GULP1: variants seen among roughly 807,000 people sequenced by gnomAD.
GULP1 encodes PTB domain-containing engulfment adapter protein 1.
In GULP1, 19 loss-of-function variants were observed where a neutral mutation model predicts 40.9. The ratio of observed to expected loss-of-function variants is 0.46; its 90% CI spans 0.32 to 0.68. The LOEUF (loss-of-function observed/expected upper bound fraction) is 0.68, where lower values mean the gene tolerates loss of function less well. Ranked by LOEUF, GULP1 falls within the 30% of genes least tolerant of loss-of-function variation. GULP1 has a pLI of 0.03. For synonymous variants in GULP1, 119 were observed against 117.6 expected (o/e 1.01, Z -0.08); for missense variants, 312 against 362.2 (o/e 0.86, Z 1.12).
intron 7 of GULP1, among the ~76,000 whole-genome samples, chr2:188,550,317 C>T (rs1025483107): frequency 2.0e-5 from 3 of 151,478 alleles, no homozygotes; most frequent in Non-Finnish European, 4.4e-5. Context: ...GAAGGCTTAC[C>T]TTAGCATACT....
intron 7 of GULP1, among the ~76,000 whole-genome samples, chr2:188,552,158 A>G (rs1283294503): frequency 1.3e-5 from 2 of 151,628 alleles, no homozygotes; most frequent in East Asian, 1.9e-4. Context: ...TTCTGTGTAG[A>G]TGCTTTTTAG....
chr2:188,305,950 G>T (rs2037000752), intron 1 of GULP1, among the ~76,000 whole-genome samples: 1 of 152,066 alleles, frequency 6.6e-6, no homozygotes, highest in African/African-American at 2.4e-5. Context: ...GCTAATTTTT[G>T]TATTTTTAGT....
intron 4 of GULP1, among the ~76,000 whole-genome samples, chr2:188,497,141 A>C (rs1300534635): frequency 6.6e-6 from 1 of 152,032 alleles, no homozygotes; most frequent in African/African-American, 2.4e-5. Context: ...ATTAAGATGA[A>C]GAAAAAACGT....
chr2:188,509,733 G>T (rs534825453), intron 4 of GULP1, among the ~76,000 whole-genome samples: 32 of 152,138 alleles, frequency 2.1e-4, no homozygotes, highest in African/African-American at 7.5e-4. Context: ...AGAAAACTAC[G>T]CTGTGGCAAT....
chr2:188,444,310 T>A (rs2058199675), intron 2 of GULP1, among the ~76,000 whole-genome samples: 1 of 152,176 alleles, frequency 6.6e-6, no homozygotes, highest in Non-Finnish European at 1.5e-5. Flanking sequence ...GTGAGATAAT[T>A]CATATGTTAA....
intron 2 of GULP1, among the ~76,000 whole-genome samples, chr2:188,388,204 A>T (rs1045147676): frequency 6.6e-5 from 10 of 151,970 alleles, no homozygotes; most frequent in African/African-American, 2.4e-4. Context: ...CTACAAAGCC[A>T]CATTTTCTTA....
chr2:188,335,337 TG>T (rs2042124701), intron 1 of GULP1, among the ~76,000 whole-genome samples: 1 of 152,198 alleles, frequency 6.6e-6, no homozygotes, highest in Non-Finnish European at 1.5e-5. Flanking sequence ...TTCATCAGTT[TG>T]TTGTATATGC....
Position 188,584,152 on chromosome 2 carries a change from C to T in GULP1, c.610-113C>T, listed in dbSNP as rs1313398662. ...TTTTTGGTCTACAAAATGGCAAATTCTTATGATGCAACTGAAATTGTTGTT... is the reference window on the plus strand; with the variant it reads ...TTTTTGGTCTACAAAATGGCAAATTTTTATGATGCAACTGAAATTGTTGTT... On this transcript the variant is annotated intron_variant, in intron 9 of 11. Coordinates refer to ENST00000409830, the MANE Select transcript of GULP1 (RefSeq NM_016315.4). The T allele has an allele frequency of 1.6e-5, 11 of 704,860 alleles. No individual in the cohort carries two copies. The African/African-American group carries it at 1.8e-4, about 12-fold the overall frequency. 43.7% of individuals were successfully genotyped at this position (704,860 alleles called of 1,614,324 possible).
rs1685856860 is a variant in GULP1, at chr2:188,525,216, A to C, written c.162+2389A>C. ...TGTTCTTTATTTCCTAATCATGTTC[A>C]GCAGTTTCTATTTCTTAATCATGTT... On this transcript the variant is annotated intron_variant, in intron 5 of 11. Coordinates refer to ENST00000409830, the MANE Select transcript of GULP1 (RefSeq NM_016315.4). 3.3e-5 allele frequency among the ~76,000 whole-genome samples: 5 copies of C among 152,094 alleles called. No homozygotes were observed. In the South Asian group the frequency reaches 8.3e-4, roughly 25 times the overall value.
chr2:188,390,718 G>A (rs1228757276), intron 2 of GULP1, among the ~76,000 whole-genome samples: 1 of 151,806 alleles, frequency 6.6e-6, no homozygotes, highest in African/African-American at 2.4e-5. Flanking sequence ...GTTTTTCCTG[G>A]GTTATCTTCT....
At chr2:188,423,419 AT>A (rs1311344928) in intron 2 of GULP1, among the ~76,000 whole-genome samples, 1 of 151,912 alleles carries the variant, frequency 6.6e-6, no homozygotes, top group Non-Finnish European at 1.5e-5. Flanking sequence ...TTTCCAAGTA[AT>A]ATTCTTTTTG....
intron 1 of GULP1, chr2:188,297,609 A>G (rs550522124): frequency 1.9e-5 from 8 of 423,114 alleles, no homozygotes; most frequent in East Asian, 8.4e-5. Context: ...CCTTATTTCT[A>G]TAAGAGAGGA....
At chr2:188,342,900 C>G (rs2043152979) in intron 1 of GULP1, among the ~76,000 whole-genome samples, 1 of 152,094 alleles carries the variant, frequency 6.6e-6, no homozygotes, top group African/African-American at 2.4e-5. Context: ...TTCTAAGGGA[C>G]TCTAAATGGT....
At chr2:188,362,905 C>T (rs900356833) in intron 1 of GULP1, among the ~76,000 whole-genome samples, 2 of 151,844 alleles carry the variant, frequency 1.3e-5, no homozygotes, top group Admixed American at 6.6e-5. Context: ...TACTTCCAAC[C>T]AGTGAAGGAG....
chr2:188,325,876 T>G (rs565153288), intron 1 of GULP1, among the ~76,000 whole-genome samples: 1 of 152,278 alleles, frequency 6.6e-6, no homozygotes, highest in Non-Finnish European at 1.5e-5. Context: ...CATAGATCCT[T>G]GATTTCTGAG....
intron 1 of GULP1, among the ~76,000 whole-genome samples, chr2:188,295,213 C>A (rs2034650600): frequency 6.6e-6 from 1 of 152,150 alleles, no homozygotes; most frequent in African/African-American, 2.4e-5. Flanking sequence ...GCTTGAGAAG[C>A]TGAAATATAT....
At chr2:188,548,553 G>C (rs935819284) in intron 7 of GULP1, among the ~76,000 whole-genome samples, 2 of 152,012 alleles carry the variant, frequency 1.3e-5, no homozygotes, top group African/African-American at 4.8e-5. Context: ...AAGGTTGTTT[G>C]TAGATATAGA....
At chr2:188,458,201 G>A (rs773116718) in intron 2 of GULP1, among the ~76,000 whole-genome samples, 3 of 151,992 alleles carry the variant, frequency 2.0e-5, no homozygotes, top group African/African-American at 4.8e-5. Context: ...TTAAGGACAG[G>A]GCCTTCTCTT....
chr2:188,456,017 A>C (rs1478245182), intron 2 of GULP1, among the ~76,000 whole-genome samples: 1 of 152,142 alleles, frequency 6.6e-6, no homozygotes, highest in African/African-American at 2.4e-5. Context: ...AACTTGAGAG[A>C]GATGATTTAG....
Sources: allele counts gnomAD v4.1 joint callset (sites outside exome capture counted in the v4.1 genomes callset), GRCh38; gene constraint gnomAD v4.1.1; transcripts MANE v1.5; gene names NCBI Gene and HGNC (gene_info 2026-07-23, HGNC 2026-07-21).